UBA52: variants seen among roughly 807,000 people sequenced by gnomAD.
The protein encoded by UBA52 is ubiquitin A-52 residue ribosomal protein fusion product 1, also known as ubiquitin-ribosomal protein eL40 fusion protein.
UBA52 carries 1 observed loss-of-function variant against 15.3 expected under a neutral mutation model. That is an observed-to-expected ratio of 0.07 (90% CI 0.02 to 0.31). UBA52 has a LOEUF of 0.31. UBA52 is among the 10% of genes least tolerant of loss of function. The probability of loss-of-function intolerance (pLI) is 1.00; values close to 1 mark genes in which losing one functional copy is unlikely to be tolerated. For synonymous variants in UBA52, 50 were observed against 58.3 expected (o/e 0.86, Z 0.65); for missense variants, 87 against 168.0 (o/e 0.52, Z 2.66).
chr19:18,565,260 C>T, the UBA52 span: 68 of 1,188,954 alleles, frequency 5.7e-5, 1 homozygote, highest in Admixed American at 6.6e-4. Flanking sequence ...GACGGAGTCT[C>T]GCTCTGTTGC....
At chr19:18,568,463 GACC>G, upstream of UBA52, 1 of 1,613,866 alleles carries the variant, frequency 6.2e-7, no homozygotes, top group Non-Finnish European at 8.5e-7. Flanking sequence ...CCAGCACCAC[GACC>G]ACCATTGCCA....
intron 1 of UBA52, chr19:18,572,819 C>CA: frequency 9.9e-7 from 1 of 1,008,084 alleles, no homozygotes; most frequent in Non-Finnish European, 1.2e-6. Context: ...GAGGCTGCGA[C>CA]AGGAAGGCAT....
chr19:18,564,970 G>A, the UBA52 span: 1 of 1,611,914 alleles, frequency 6.2e-7, no homozygotes, highest in Non-Finnish European at 8.5e-7. Context: ...CACCACACGA[G>A]GACCCTAGTA....
rs747248759 is a variant in UBA52 at position 18,573,647 on chromosome 19, C to T, written c.104-15C>T. ...TGGTCCGCAGAGCCTCTAACTGAGC[C>T]TCCCTCCCCCTCAGGTATCCCACCT... On this transcript the variant is annotated splice_polypyrimidine_tract_variant and intron_variant, in intron 2 of 4. Transcript: ENST00000442744. 3.7e-6 allele frequency: 6 copies of T among 1,613,506 alleles called. No individual in the cohort carries two copies. The highest frequency in any genetic ancestry group is 1.1e-5 in the South Asian group (1 of 91,058).
chr19:18,565,697 T>C, the UBA52 span, among the ~76,000 whole-genome samples: 1 of 151,308 alleles, frequency 6.6e-6, no homozygotes, highest in Admixed American at 6.6e-5. Context: ...TTGTTGTTGT[T>C]TTATTTTTGA....
At chr19:18,567,250 CA>C, upstream of UBA52, 1 of 1,478,008 alleles carries the variant, frequency 6.8e-7, no homozygotes, top group Non-Finnish European at 9.4e-7. Context: ...TCTGGAAGGC[CA>C]CCTTGGGGCC....
upstream of UBA52, chr19:18,567,369 A>T: frequency 1.5e-6 from 1 of 653,002 alleles, no homozygotes; most frequent in Non-Finnish European, 2.8e-6. Context: ...AGTGGGCACT[A>T]GGACGGGAGT....
At position 18,575,358 on chromosome 19, in the gene UBA52, T is replaced by C. The variant is rs1975738734; in HGVS notation, c.*208T>C. On this transcript the variant is annotated 3_prime_UTR_variant, in exon 5 of 5. Coordinates refer to ENST00000442744, the MANE Select transcript of UBA52 (RefSeq NM_001033930.3). Reference sequence around the variant, plus strand: ...CTGTGGGGTCTTCTGTCCTAGATTCTGTCACATCGGCATTGGTCCCTGCCC... The same window carrying C: ...CTGTGGGGTCTTCTGTCCTAGATTCCGTCACATCGGCATTGGTCCCTGCCC... The C allele has an allele frequency of 1.7e-6, 1 of 592,168 alleles. No homozygotes were observed. The highest frequency in any genetic ancestry group is 1.9e-5 in the African/African-American group (1 of 53,730). 36.7% of individuals were successfully genotyped at this position (592,168 alleles called of 1,614,324 possible).
chr19:18,566,247 A>G, the UBA52 span, among the ~76,000 whole-genome samples: 74,623 of 151,276 alleles, frequency 0.49, 19,538 homozygotes, highest in East Asian at 0.65. Flanking sequence ...TCAGGAGATC[A>G]AGACCATCCC....
chr19:18,573,849 T>G, intron 3 of UBA52, 101 bp downstream of exon 3: 2 of 1,136,484 alleles, frequency 1.8e-6, no homozygotes, highest in Non-Finnish European at 2.5e-6. Flanking sequence ...AAATGACTTG[T>G]GTTTTGTTTA....
the UBA52 span, chr19:18,564,805 T>C: frequency 6.3e-7 from 1 of 1,585,292 alleles, no homozygotes; most frequent in South Asian, 1.1e-5. Context: ...AACAGTCTTC[T>C]GGGCCAGGTT....
intron 3 of UBA52, among the ~76,000 whole-genome samples, chr19:18,574,057 G>C (rs41292123): frequency 2.6e-5 from 4 of 151,920 alleles, no homozygotes; most frequent in Admixed American, 6.6e-5. Flanking sequence ...AGGCTGAGGC[G>C]GGCAGATCAC....
chr19:18,574,806 C>T (rs1975701820), intron 3 of UBA52, 64 bp from the exon 4 acceptor site: 1 of 1,593,632 alleles, frequency 6.3e-7, no homozygotes, highest in Non-Finnish European at 8.5e-7. Flanking sequence ...CTGGAGGGTC[C>T]TGCCCCTGTG....
At chr19:18,574,664 T>C (rs1224642452) in intron 3 of UBA52, among the ~76,000 whole-genome samples, 2 of 152,164 alleles carry the variant, frequency 1.3e-5, no homozygotes, top group Admixed American at 1.3e-4. Flanking sequence ...CCCCCAGGGC[T>C]CGTGGTCAGT....
chr19:18,566,192 T>G, the UBA52 span, among the ~76,000 whole-genome samples: 1 of 152,152 alleles, frequency 6.6e-6, no homozygotes, highest in Non-Finnish European at 1.5e-5. Flanking sequence ...GGCCCATGCC[T>G]GTAATCCCAG....
the UBA52 span, among the ~76,000 whole-genome samples, chr19:18,565,377 C>T: frequency 6.6e-6 from 1 of 151,666 alleles, no homozygotes; most frequent in Non-Finnish European, 1.5e-5. Context: ...TTACAGGTGC[C>T]TACCACCACG....
rs10422162 is a variant in UBA52 at position 18,573,106 on chromosome 19, C to T, written c.-8-187C>T. 3,319 of 1,188,040 alleles carry T rather than the reference C, an allele frequency of 2.8e-3. 71 individuals are homozygous for T. The African/African-American group carries it at 0.045, about 16-fold the overall frequency. The allele number at this position is 1,188,040 out of a possible 1,614,324, so 73.6% of individuals were successfully genotyped here. A position where few individuals can be genotyped will look rare whatever the true frequency, so the allele number is the denominator to read the frequency against. On this transcript the variant is annotated intron_variant, in intron 1 of 4. Transcript: ENST00000442744. ...TTAGTTCCAGGACATGTTTAGACTA[C>T]AGGCCAGGGTGTGTGAGAAGCCTAG... is the stretch of plus-strand genomic sequence containing the variant.
rs1975801046 is a variant in UBA52, at chr19:18,576,762, A to G, written c.*1612A>G. 6.6e-6 allele frequency: 1 copy of G among 151,002 alleles called. No individual in the cohort carries two copies. The highest frequency in any genetic ancestry group is 6.6e-5 in the Admixed American group (1 of 15,122). The allele number at this position is 151,002 out of a possible 1,614,324, so 9.4% of individuals were successfully genotyped here. On this transcript the variant is annotated 3_prime_UTR_variant, in exon 5 of 5. Coordinates refer to ENST00000442744, the MANE Select transcript of UBA52 (RefSeq NM_001033930.3). ...CTGCAGCTTCTGCCTCTCGGGTTCA[A>G]GCGATTCTCCTTTCTCAGCCTCTTG...
At chr19:18,567,084 C>G (rs762492931), upstream of UBA52, 17 of 1,586,266 alleles carry the variant, frequency 1.1e-5, no homozygotes, top group South Asian at 1.1e-4. Flanking sequence ...CCAGGCCCAG[C>G]CTACCTGCTC....
Sources: gnomAD v4.1 joint callset for allele counts (sites outside exome capture counted in the v4.1 genomes callset) on GRCh38, gnomAD v4.1.1 for gene constraint, MANE v1.5 for transcripts, NCBI Gene and HGNC (gene_info 2026-07-23, HGNC 2026-07-21) for gene names.